The following PCDH15 variants were observed in gnomAD, a reference collection of about 807,000 sequenced individuals.
PCDH15 encodes the protein protocadherin related 15, also known as protocadherin-15.
A neutral mutation model predicts 178.5 loss-of-function variants in PCDH15; 129 were observed. That is an observed-to-expected ratio of 0.72 (90% CI 0.63 to 0.84). The LOEUF (loss-of-function observed/expected upper bound fraction) is 0.84, where lower values mean the gene tolerates loss of function less well. Among genes scored for constraint, PCDH15 ranks in the 40% least tolerant of loss-of-function variants. The probability of loss-of-function intolerance (pLI) is 0.00; values close to 1 mark genes in which losing one functional copy is unlikely to be tolerated. For synonymous variants in PCDH15, 800 were observed against 732.0 expected (o/e 1.09, Z -1.50); for missense variants, 2,230 against 2,099.9 (o/e 1.06, Z -1.21).
chr10:55,468,444 T>C (rs532710045), intron 2 of PCDH15: 2 of 152,322 alleles, frequency 1.3e-5, no homozygotes, highest in South Asian at 2.1e-4. Context: ...GCCACAATAT[T>C]CTTAAATTTT....
chr10:54,889,175 T>C (rs976520077), intron 3 of PCDH15, among the ~76,000 whole-genome samples: 1 of 151,858 alleles, frequency 6.6e-6, no homozygotes, highest in Non-Finnish European at 1.5e-5. Context: ...GGTAGCAAAG[T>C]AAAACTGCAG....
At chr10:55,626,390 T>A (rs1480066650) in intron 2 of PCDH15, among the ~76,000 whole-genome samples, 1 of 152,174 alleles carries the variant, frequency 6.6e-6, no homozygotes, top group Non-Finnish European at 1.5e-5. Flanking sequence ...CCGTCTAATA[T>A]TATTCTATTC....
rs1841220512 is a variant in PCDH15 at position 53,807,045 on chromosome 10, T to C, written c.4757A>G (p.Gln1586Arg). 1.2e-6 allele frequency: 2 copies of C among 1,613,634 alleles called. No individual in the cohort carries two copies. Among genetic ancestry groups the C allele is most frequent in the Non-Finnish European group, 1.7e-6 (2 of 1,179,764 alleles). ...STGEDSAPECQRNRLHHPSIH... is the reference protein window; with the variant it reads ...STGEDSAPECRRNRLHHPSIH... ...ACTAGGATGGTGAAGACGGTTTCTC[T>C]GACATTCAGGAGCACTGTCTTCTCC... is the stretch of plus-strand genomic sequence containing the variant. The change falls in exon 38 of 38, where the codon CAG (glutamine) becomes CGG (arginine). Residue 1586 changes from glutamine (Q) to arginine (R), a missense_variant. Transcript: ENST00000644397.
intron 3 of PCDH15, among the ~76,000 whole-genome samples, chr10:54,464,498 T>A: frequency 6.6e-6 from 1 of 152,302 alleles, no homozygotes; most frequent in Middle Eastern, 3.4e-3. Flanking sequence ...TTAAATAATA[T>A]TTTTGTGTTT....
rs147512742 is a variant in PCDH15 at position 55,527,179 on chromosome 10, G to A, written c.-156+100446C>T. Among the ~76,000 whole-genome samples, 324 of 152,122 alleles carry A rather than the reference G, an allele frequency of 2.1e-3. 1 individual carries two copies. The highest frequency in any genetic ancestry group is 7.4e-3 in the African/African-American group (306 of 41,544). ...TTGCCTCTGGTGCATGTGTATATTC[G>A]TTTCTTATGACTGCCATAACAAAGT... On this transcript the variant is annotated intron_variant, in intron 2 of 5. Transcript: ENST00000613346.
At chr10:55,356,787 A>G (rs993576814) in intron 2 of PCDH15, among the ~76,000 whole-genome samples, 6 of 151,968 alleles carry the variant, frequency 3.9e-5, no homozygotes, top group Admixed American at 1.3e-4. Context: ...GAGACAGACA[A>G]ATAAGTAACA....
chr10:54,162,827 T>C (rs952167429), intron 13 of PCDH15, among the ~76,000 whole-genome samples: 2 of 152,192 alleles, frequency 1.3e-5, no homozygotes, highest in African/African-American at 4.8e-5. Context: ...TTATCTGATA[T>C]GCAGTGGCTG....
intron 8 of PCDH15, among the ~76,000 whole-genome samples, chr10:54,289,740 TG>T: frequency 6.6e-6 from 1 of 152,256 alleles, no homozygotes; most frequent in South Asian, 2.1e-4. Flanking sequence ...ACAAGAACTT[TG>T]TGATGCATAC....
At chr10:54,337,608 A>G (rs928764508) in intron 6 of PCDH15, among the ~76,000 whole-genome samples, 4 of 152,130 alleles carry the variant, frequency 2.6e-5, no homozygotes, top group African/African-American at 9.7e-5. Flanking sequence ...GCCAAGATAA[A>G]CTACAGCTGG....
chr10:54,805,298 G>A (rs60941477), upstream of PCDH15, among the ~76,000 whole-genome samples: 5,953 of 152,030 alleles, frequency 0.039, 349 homozygotes, highest in African/African-American at 0.13. Context: ...ACTGAATGAA[G>A]GCCTCTGCAG....
At chr10:55,513,253 C>G (rs528281444) in intron 2 of PCDH15, 2 of 152,102 alleles carry the variant, frequency 1.3e-5, no homozygotes, top group East Asian at 3.9e-4. Context: ...ACTTAGTTAC[C>G]TAGGTGTATG....
chr10:55,030,217 G>A (rs1193932232), intron 2 of PCDH15, among the ~76,000 whole-genome samples: 1 of 152,090 alleles, frequency 6.6e-6, no homozygotes, highest in Non-Finnish European at 1.5e-5. Context: ...TCTTTAGTTT[G>A]CAATGCTGTA....
intron 2 of PCDH15, among the ~76,000 whole-genome samples, chr10:55,459,498 C>T (rs1839626582): frequency 1.3e-5 from 2 of 151,988 alleles, no homozygotes; most frequent in African/African-American, 4.8e-5. Context: ...AAATGAAGAA[C>T]ATTTGAATGG....
chr10:53,809,277 T>G (rs1326245586), intron 37 of PCDH15: 1 of 1,613,878 alleles, frequency 6.2e-7, no homozygotes, highest in East Asian at 2.2e-5. Context: ...TGCTTTCTGT[T>G]GCTTCCTCTT....
At chr10:54,105,678 A>G (rs1393986462) in intron 15 of PCDH15, among the ~76,000 whole-genome samples, 1 of 152,096 alleles carries the variant, frequency 6.6e-6, no homozygotes, top group Non-Finnish European at 1.5e-5. Context: ...CTTTGGAAAC[A>G]CCCTCACAGA....
intron 1 of PCDH15, among the ~76,000 whole-genome samples, chr10:55,193,840 T>C (rs1457073897): frequency 2.0e-5 from 3 of 151,972 alleles, no homozygotes; most frequent in Non-Finnish European, 2.9e-5. Flanking sequence ...CAGAGGTTAA[T>C]ATAGACATAT....
At chr10:54,198,495 CTTT>C (rs1186240206) in intron 10 of PCDH15, among the ~76,000 whole-genome samples, 1 of 31,172 alleles carries the variant, frequency 3.2e-5, no homozygotes, top group Non-Finnish European at 4.4e-5. Flanking sequence ...TCTAATTATT[CTTT>C]TTTTTTTTTT....
chr10:54,763,802 CTT>C (rs1170895686), intron 1 of PCDH15, among the ~76,000 whole-genome samples: 1 of 148,056 alleles, frequency 6.8e-6, no homozygotes, highest in East Asian at 2.0e-4. Flanking sequence ...ATGTACAACT[CTT>C]ATGTATCCAT....
chr10:54,825,771 G>C (rs1953121453), intron 3 of PCDH15, among the ~76,000 whole-genome samples: 1 of 152,002 alleles, frequency 6.6e-6, no homozygotes, highest in African/African-American at 2.4e-5. Context: ...ATTTTGGATA[G>C]GTTTCTAAAC....
Sources: gnomAD v4.1 joint callset for allele counts (sites outside exome capture counted in the v4.1 genomes callset) on GRCh38, gnomAD v4.1.1 for gene constraint, MANE v1.5 for transcripts, NCBI Gene and HGNC (gene_info 2026-07-23, HGNC 2026-07-21) for gene names.